ACKR2: variants seen among roughly 807,000 people sequenced by gnomAD.
ACKR2 encodes the protein atypical chemokine receptor 2.
For missense variants in ACKR2, 457 were observed against 477.3 expected (o/e 0.96, Z 0.40); for synonymous variants, 207 against 192.2 (o/e 1.08, Z -0.64).
At chr3:42,830,894 C>T (rs551492808) in intron 2 of ACKR2, among the ~76,000 whole-genome samples, 10 of 152,098 alleles carry the variant, frequency 6.6e-5, no homozygotes, top group African/African-American at 2.4e-4. Context: ...ACTCCAACCT[C>T]CCCCAAGTCA....
chr3:42,811,348 G>A (rs1275786237), intron 1 of ACKR2, among the ~76,000 whole-genome samples: 2 of 152,238 alleles, frequency 1.3e-5, no homozygotes, highest in Non-Finnish European at 2.9e-5. Context: ...AACATGTGCT[G>A]TATGGAATCA....
intron 1 of ACKR2, among the ~76,000 whole-genome samples, chr3:42,816,715 C>G (rs954118799): frequency 6.6e-6 from 1 of 152,000 alleles, no homozygotes; most frequent in African/African-American, 2.4e-5. Flanking sequence ...TGCCACCACA[C>G]CTGGCTATTT....
At chr3:42,855,648 G>A (rs1445156547) in intron 2 of ACKR2, among the ~76,000 whole-genome samples, 1 of 152,060 alleles carries the variant, frequency 6.6e-6, no homozygotes, top group Non-Finnish European at 1.5e-5. Context: ...GATCAGGAGG[G>A]CAAAGGCCTG....
At chr3:42,846,422 C>T (rs372893708) in intron 2 of ACKR2, among the ~76,000 whole-genome samples, 29 of 152,346 alleles carry the variant, frequency 1.9e-4, no homozygotes, top group African/African-American at 7.0e-4. Context: ...GTCCATGACA[C>T]TTACCCACTT....
Position 42,865,023 on chromosome 3 carries a change from C to A in ACKR2, c.521C>A (p.Ala174Asp). Residue 174 changes from alanine (A) to aspartate (D), a missense_variant, in exon 3 of 3, where the codon GCC becomes GAC. Physicochemically the swap from Ala to Asp is moderately radical, Grantham distance 126. Coordinates refer to ENST00000422265, the MANE Select transcript of ACKR2 (RefSeq NM_001296.5). ...ACCATAGTATGGGCTGTGTCCCTGG[C>A]CGTCTCCATCCCTGATATGGTCTTT... is the stretch of plus-strand genomic sequence containing the variant. ...LATIVWAVSL[A>D]VSIPDMVFVQ... is the part of the protein sequence containing the mutation. 6.2e-7 allele frequency: 1 copy of A among 1,614,168 alleles called. No individual in the cohort carries two copies. The highest frequency in any genetic ancestry group is 8.5e-7 in the Non-Finnish European group (1 of 1,180,036).
intron 2 of ACKR2, among the ~76,000 whole-genome samples, chr3:42,860,186 A>AAAAAAAAAAAAAAAAAC (rs1253622421): frequency 6.9e-6 from 1 of 145,736 alleles, no homozygotes; most frequent in Non-Finnish European, 1.5e-5. Context: ...AAAAAAAAAA[A>AAAAAAAAAAAAAAAAAC]AAAGCAGGGG....
chr3:42,841,166 T>A (rs898627322), intron 2 of ACKR2, among the ~76,000 whole-genome samples: 1 of 152,224 alleles, frequency 6.6e-6, no homozygotes, highest in Non-Finnish European at 1.5e-5. Context: ...TACCAAGTTT[T>A]AAAAAAATTA....
intron 2 of ACKR2, chr3:42,851,264 G>A: frequency 1.4e-6 from 1 of 702,860 alleles, no homozygotes; most frequent in Non-Finnish European, 1.7e-6. Context: ...ATGAGGGCTG[G>A]GGCAAGGGCA....
At chr3:42,843,074 T>C (rs1315629085) in intron 2 of ACKR2, among the ~76,000 whole-genome samples, 2 of 146,088 alleles carry the variant, frequency 1.4e-5, no homozygotes, top group African/African-American at 5.2e-5. Context: ...ATTTATTTAT[T>C]ATTCATTATT....
At chr3:42,809,881 G>A (rs1700677769) in intron 1 of ACKR2, among the ~76,000 whole-genome samples, 1 of 151,854 alleles carries the variant, frequency 6.6e-6, no homozygotes, top group Admixed American at 6.6e-5. Context: ...AAAAAAGTTG[G>A]GGAAGCTTAG....
At chr3:42,825,862 TTTG>T (rs1466236542) in intron 2 of ACKR2, among the ~76,000 whole-genome samples, 4 of 109,012 alleles carry the variant, frequency 3.7e-5, no homozygotes, top group Admixed American at 1.1e-4. Context: ...TTTTTTTTTT[TTTG>T]TTTTTTTTTT....
rs1055784162 is a variant in ACKR2, at chr3:42,830,283, A to AT, written c.-38+10581dup. Among the ~76,000 whole-genome samples, 89 of 151,692 alleles carry AT rather than the reference A, an allele frequency of 5.9e-4. No individual in the cohort carries two copies. In the South Asian group the frequency reaches 7.5e-3, roughly 13 times the overall value. ...TTGATAAGCACTTCTTATTTATTTA[A>AT]TTTTTTTTTAAAATAGAGATGGGGG... On this transcript the variant is annotated intron_variant, in intron 2 of 2. Transcript: ENST00000422265.
Position 42,831,015 on chromosome 3 carries a change from A to T in ACKR2, c.-38+11304A>T, listed in dbSNP as rs190623023. On this transcript the variant is annotated intron_variant, in intron 2 of 2. Coordinates refer to ENST00000422265, the MANE Select transcript of ACKR2 (RefSeq NM_001296.5). ...GTGATCCTGGGACTATAATTTTCTG[A>T]AATTAAACTTCAGGCAAAAAAAATA... Among the ~76,000 whole-genome samples the T allele has an allele frequency of 4.6e-5, 7 of 152,086 alleles. No homozygotes were observed. In the East Asian group the frequency reaches 1.3e-3, roughly 29 times the overall value.
chr3:42,865,691 G>C lies in ACKR2; in HGVS notation c.*34G>C, dbSNP rs767854143. ...ATTTTGGTCTGGTGGGAACAGATGG[G>C]AACCAGCTCAATTGGGTGTCCACTC... On this transcript the variant is annotated 3_prime_UTR_variant, in exon 3 of 3. Transcript: ENST00000422265. 2 of 1,545,268 alleles carry C rather than the reference G, an allele frequency of 1.3e-6. No individual in the cohort carries two copies. Among genetic ancestry groups the C allele is most frequent in the Non-Finnish European group, 8.8e-7 (1 of 1,137,542 alleles).
At chr3:42,854,340 A>G (rs955359055) in intron 2 of ACKR2, among the ~76,000 whole-genome samples, 2 of 152,218 alleles carry the variant, frequency 1.3e-5, no homozygotes, top group South Asian at 2.1e-4. Flanking sequence ...TTCCATGATC[A>G]TTTGTTTAAT....
At chr3:42,850,396 T>C (rs1030831289) in intron 2 of ACKR2, among the ~76,000 whole-genome samples, 1 of 151,974 alleles carries the variant, frequency 6.6e-6, no homozygotes, top group Non-Finnish European at 1.5e-5. Flanking sequence ...CCCAGAGAGG[T>C]GAAGCCACCA....
intron 2 of ACKR2, among the ~76,000 whole-genome samples, chr3:42,829,917 T>C (rs550409704): frequency 1.3e-5 from 2 of 152,344 alleles, no homozygotes; most frequent in East Asian, 3.9e-4. Flanking sequence ...TACATGACCC[T>C]ATTCTCAAAA....
rs56176584 is a variant in ACKR2, at chr3:42,865,919, T to TCTCC, written c.*278_*281dup. ...GCTTCCTTCCTTCCTTCCTTCCCTC[T>TCTCC]CTCCCTCCCTCCCTCCCTCGCTTCT... On this transcript the variant is annotated 3_prime_UTR_variant, in exon 3 of 3. Coordinates refer to ENST00000422265, the MANE Select transcript of ACKR2 (RefSeq NM_001296.5). 90,980 of 350,180 alleles carry TCTCC rather than the reference T, an allele frequency of 0.26. 14,076 individuals are homozygous for TCTCC. The highest frequency in any genetic ancestry group is 0.32 in the Non-Finnish European group (59,069 of 183,606). 21.7% of individuals were successfully genotyped at this position (350,180 alleles called of 1,614,324 possible).
Position 42,840,035 on chromosome 3 carries a change from G to A in ACKR2, c.-38+20324G>A, listed in dbSNP as rs1403015493. ...GCACTTTGGGAAGCCGAGGCGGGTG[G>A]ATCACGAGGTCAAGAGATTGAGACC... On this transcript the variant is annotated intron_variant, in intron 2 of 2. Coordinates refer to ENST00000422265, the MANE Select transcript of ACKR2 (RefSeq NM_001296.5). 5.3e-5 allele frequency among the ~76,000 whole-genome samples: 8 copies of A among 151,968 alleles called. 1 individual carries two copies. Among genetic ancestry groups the A allele is most frequent in the Admixed American group, 5.2e-4 (8 of 15,270 alleles).
Sources: allele counts gnomAD v4.1 joint callset (sites outside exome capture counted in the v4.1 genomes callset), GRCh38; gene constraint gnomAD v4.1.1; transcripts MANE v1.5; gene names NCBI Gene and HGNC (gene_info 2026-07-23, HGNC 2026-07-21).